Variants in COG5 observed in about 807,000 individuals in gnomAD.
COG5 encodes the protein conserved oligomeric Golgi complex subunit 5.
A neutral mutation model predicts 110.4 loss-of-function variants in COG5; 86 were observed. The observed-to-expected ratio is 0.78, with a 90% CI of 0.65 to 0.93. The LOEUF (loss-of-function observed/expected upper bound fraction) is 0.93. COG5 is among the 40% of genes least tolerant of loss of function. The probability of loss-of-function intolerance (pLI) is 0.00; values close to 1 mark genes in which losing one functional copy is unlikely to be tolerated. For missense variants in COG5, 1,077 were observed against 987.0 expected (o/e 1.09, Z -1.22); for synonymous variants, 360 against 334.6 (o/e 1.08, Z -0.83).
At chr7:107,283,463 C>A in intron 13 of COG5, 108 bp downstream of exon 13, 1 of 937,148 alleles carries the variant, frequency 1.1e-6, no homozygotes, top group Non-Finnish European at 1.6e-6. Flanking sequence ...AATTGTGGGC[C>A]TAATTACTTG....
intron 6 of COG5, among the ~76,000 whole-genome samples, chr7:107,523,896 T>G (rs1800532523): frequency 6.6e-6 from 1 of 151,954 alleles, no homozygotes; most frequent in Non-Finnish European, 1.5e-5. Context: ...AAGTTAAACA[T>G]ATACCTACCA....
intron 6 of COG5, among the ~76,000 whole-genome samples, chr7:107,417,242 T>C (rs544496340): frequency 4.3e-4 from 66 of 152,332 alleles, no homozygotes; most frequent in African/African-American, 1.5e-3. Flanking sequence ...AAAACCTTGA[T>C]TGAGCTTAAA....
intron 6 of COG5, among the ~76,000 whole-genome samples, chr7:107,505,262 C>A (rs980131170): frequency 6.6e-6 from 1 of 152,086 alleles, no homozygotes; most frequent in Non-Finnish European, 1.5e-5. Context: ...AATGCAATAC[C>A]CAATGGTGGG....
intron 11 of COG5, among the ~76,000 whole-genome samples, chr7:107,318,996 T>C (rs1809006647): frequency 6.6e-6 from 1 of 152,220 alleles, no homozygotes; most frequent in African/African-American, 2.4e-5. Flanking sequence ...TTGCTTGATG[T>C]GTCCCATGGG....
chr7:107,323,850 C>T (rs955137581), intron 11 of COG5, among the ~76,000 whole-genome samples: 7 of 152,198 alleles, frequency 4.6e-5, no homozygotes, highest in Non-Finnish European at 5.9e-5. Flanking sequence ...TATGCTCTTA[C>T]CTAAAGTATT....
At chr7:107,378,956 AG>A (rs771100581) in intron 7 of COG5, among the ~76,000 whole-genome samples, 1 of 152,148 alleles carries the variant, frequency 6.6e-6, no homozygotes, top group Non-Finnish European at 1.5e-5. Flanking sequence ...GGAGCACCCA[AG>A]TCACATAGTT....
At chr7:107,318,485 G>A (rs1239380188) in intron 11 of COG5, among the ~76,000 whole-genome samples, 1 of 152,166 alleles carries the variant, frequency 6.6e-6, no homozygotes, top group Non-Finnish European at 1.5e-5. Context: ...AAATTAATAT[G>A]TGACAACAGA....
chr7:107,508,424 G>C (rs1563073226), intron 6 of COG5, among the ~76,000 whole-genome samples: 2 of 152,232 alleles, frequency 1.3e-5, no homozygotes, highest in African/African-American at 4.8e-5. Flanking sequence ...AAGGAGGCCT[G>C]CCTGCCTCTG....
chr7:107,215,541 G>A (rs1799460938), intron 19 of COG5, among the ~76,000 whole-genome samples: 1 of 151,618 alleles, frequency 6.6e-6, no homozygotes, highest in Non-Finnish European at 1.5e-5. Flanking sequence ...GCGGGCACCT[G>A]TAGTCCCAGC....
At chr7:107,471,220 A>G (rs1796614356) in intron 6 of COG5, among the ~76,000 whole-genome samples, 1 of 152,134 alleles carries the variant, frequency 6.6e-6, no homozygotes, top group Admixed American at 6.6e-5. Context: ...TAAAGAAACA[A>G]TTTTATGCAT....
chr7:107,521,810 C>G (rs1395272922), intron 6 of COG5, among the ~76,000 whole-genome samples: 1 of 152,212 alleles, frequency 6.6e-6, no homozygotes, highest in Non-Finnish European at 1.5e-5. Context: ...ATAAATCATT[C>G]TACTGTAAAG....
rs1291709104 is a variant in COG5, at chr7:107,382,104, A to T, written c.670-9344T>A. On this transcript the variant is annotated intron_variant, in intron 7 of 21. Transcript: ENST00000297135. ...GTCAGTCGTGACGTGCAGAGTCCAT[A>T]AAAGTCCAGTGGGGAAACTGGCCTC... 2.0e-5 allele frequency among the ~76,000 whole-genome samples: 3 copies of T among 152,316 alleles called. No homozygotes were observed. The East Asian group carries it at 5.8e-4, about 29-fold the overall frequency.
At chr7:107,324,954 G>A (rs974267239) in intron 10 of COG5, among the ~76,000 whole-genome samples, 1 of 151,844 alleles carries the variant, frequency 6.6e-6, no homozygotes, top group African/African-American at 2.4e-5. Flanking sequence ...AAATACGGAG[G>A]GCAATTTGTG....
At position 107,249,699 on chromosome 7, in the gene COG5, TG is replaced by T. The variant is rs1802339410; in HGVS notation, c.1750-1201del. 1.5e-4 allele frequency among the ~76,000 whole-genome samples: 16 copies of T among 104,724 alleles called. No homozygotes were observed. In the South Asian group the frequency reaches 3.9e-3, roughly 25 times the overall value. 68.7% of individuals were successfully genotyped at this position (104,724 alleles called of 152,430 possible). A position where few individuals can be genotyped will look rare whatever the true frequency, so the allele number is the denominator to read the frequency against. On this transcript the variant is annotated intron_variant, in intron 16 of 21. Transcript: ENST00000297135. ...TATACAACGTACAGGATTGTGTGTG[TG>T]TGTGTGTGTGTGTGTGTGTGTGTGT...
At chr7:107,397,019 T>C (rs1791064817) in intron 7 of COG5, among the ~76,000 whole-genome samples, 1 of 152,236 alleles carries the variant, frequency 6.6e-6, no homozygotes, top group Admixed American at 6.5e-5. Context: ...AACTACTTTC[T>C]TCTTTTTTCT....
intron 11 of COG5, among the ~76,000 whole-genome samples, chr7:107,314,764 A>C (rs1670610189): frequency 6.6e-6 from 1 of 152,094 alleles, no homozygotes; most frequent in African/African-American, 2.4e-5. Context: ...AAACAAAACA[A>C]AACAAAGACT....
chr7:107,203,115 A>T lies in COG5; in HGVS notation c.*401T>A, dbSNP rs1419090253. 11 of 215,210 alleles carry T rather than the reference A, an allele frequency of 5.1e-5. No homozygotes were observed. 13.3% of individuals were successfully genotyped at this position (215,210 alleles called of 1,614,324 possible). A position where few individuals can be genotyped will look rare whatever the true frequency, so the allele number is the denominator to read the frequency against. ...GTGCAGCCAAATTTGGAAACCACTG[A>T]GCTACATGCTTATTTAGTGAAGAAG... is the stretch of plus-strand genomic sequence containing the variant. On this transcript the variant is annotated 3_prime_UTR_variant, in exon 22 of 22. Transcript: ENST00000297135.
chr7:107,203,571 G>C lies in COG5; in HGVS notation c.2435C>G (p.Pro812Arg). 1 of 1,614,086 alleles carries C rather than the reference G, an allele frequency of 6.2e-7. No individual in the cohort carries two copies. Among genetic ancestry groups the C allele is most frequent in the Non-Finnish European group, 8.5e-7 (1 of 1,179,988 alleles). ...VRSREGKEFAPVYPIMVQLLQ... is the reference protein window; with the variant it reads ...VRSREGKEFARVYPIMVQLLQ... ...CAGCTGAACCATTATGGGATAAACT[G>C]GTGCAAATTCTTTGCCTTCTCTACT... The change falls in exon 22 of 22, where the codon CCA becomes CGA. Residue 812 changes from proline to arginine, a missense_variant. Coordinates refer to ENST00000297135, the MANE Select transcript of COG5 (RefSeq NM_006348.5).
At chr7:107,295,091 ATATATATATATTTTT>A (rs1481927398) in intron 12 of COG5, among the ~76,000 whole-genome samples, 2 of 74,686 alleles carry the variant, frequency 2.7e-5, no homozygotes, top group African/African-American at 5.2e-5. Flanking sequence ...ATATATATAT[ATATATATATATTTTT>A]TTTTTTTTTT....
Sources: allele counts gnomAD v4.1 joint callset (sites outside exome capture counted in the v4.1 genomes callset), GRCh38; gene constraint gnomAD v4.1.1; transcripts MANE v1.5; gene names NCBI Gene and HGNC (gene_info 2026-07-23, HGNC 2026-07-21).